The following ARF3 variants were observed in gnomAD, a reference collection of about 807,000 sequenced individuals.
ARF3 encodes the protein ADP-ribosylation factor 3.
Under a neutral mutation model 19.3 loss-of-function variants are expected in ARF3, and 5 were observed. The observed-to-expected ratio is 0.26, with a 90% CI of 0.14 to 0.54. ARF3 has a LOEUF of 0.54. Among genes scored for constraint, ARF3 ranks in the 20% least tolerant of loss-of-function variants. ARF3 has a pLI of 0.95. For missense variants in ARF3, 77 were observed against 234.2 expected, an observed-to-expected ratio of 0.33 and a Z score of 4.38; for synonymous variants, 71 against 89.2, an observed-to-expected ratio of 0.80 and a Z score of 1.15.
Position 48,949,718 on chromosome 12 carries a change from G to GT in ARF3, c.-94+7591dup, listed in dbSNP as rs1284303297. Among the ~76,000 whole-genome samples, 6 of 151,218 alleles carry GT rather than the reference G, an allele frequency of 4.0e-5. No individual in the cohort carries two copies. In the East Asian group the frequency reaches 7.8e-4, roughly 20 times the overall value. ...TCACCATGCCTGGCTAATTTTTAAAGTTTTTTTGTAGAGACAAGGTCTTGC... is the reference window on the plus strand; with the variant it reads ...TCACCATGCCTGGCTAATTTTTAAAGTTTTTTTTGTAGAGACAAGGTCTTGC... On this transcript the variant is annotated intron_variant, in intron 1 of 4. Coordinates refer to ENST00000256682, the MANE Select transcript of ARF3 (RefSeq NM_001659.3).
chr12:48,947,454 A>C (rs544646981), intron 1 of ARF3, among the ~76,000 whole-genome samples: 2 of 152,154 alleles, frequency 1.3e-5, no homozygotes, highest in South Asian at 2.1e-4. Context: ...CTACAGGCGC[A>C]TGCCACCACA....
intron 1 of ARF3, among the ~76,000 whole-genome samples, chr12:48,954,569 T>C (rs1169373626): frequency 6.6e-6 from 1 of 152,174 alleles, no homozygotes; most frequent in Non-Finnish European, 1.5e-5. Context: ...CATTACCTTC[T>C]TTACAGATGA....
Position 48,941,126 on chromosome 12 carries a change from G to A in ARF3, c.-31C>T. The A allele has an allele frequency of 6.3e-7, 1 of 1,597,814 alleles. No individual in the cohort carries two copies. Among genetic ancestry groups the A allele is most frequent in the African/African-American group, 1.3e-5 (1 of 74,470 alleles). On this transcript the variant is annotated 5_prime_UTR_variant, in exon 2 of 5. Coordinates refer to ENST00000256682, the MANE Select transcript of ARF3 (RefSeq NM_001659.3). ...CAGCAGCTGCTTTCTGGGGACAGTG[G>A]GGCCCAAGTAGGGGCAGTGGCAGTC...
intron 1 of ARF3, among the ~76,000 whole-genome samples, chr12:48,950,465 G>A (rs1940445553): frequency 6.6e-6 from 1 of 152,152 alleles, no homozygotes; most frequent in African/African-American, 2.4e-5. Context: ...GGGATTACAG[G>A]CATGAGCCAC....
chr12:48,940,707 C>A (rs755751283), intron 2 of ARF3, among the ~76,000 whole-genome samples: 14 of 152,230 alleles, frequency 9.2e-5, no homozygotes, highest in Non-Finnish European at 5.9e-5. Flanking sequence ...CAACTCCGTG[C>A]CTGAGGGCAG....
At chr12:48,948,982 G>T (rs1017998532) in intron 1 of ARF3, among the ~76,000 whole-genome samples, 5 of 152,132 alleles carry the variant, frequency 3.3e-5, no homozygotes, top group African/African-American at 1.2e-4. Context: ...CACTGCTTAG[G>T]AGGTATAGTA....
At chr12:48,948,884 T>G (rs1940411454) in intron 1 of ARF3, among the ~76,000 whole-genome samples, 1 of 152,108 alleles carries the variant, frequency 6.6e-6, no homozygotes, top group African/African-American at 2.4e-5. Flanking sequence ...CATGAAGGGC[T>G]TTAAAGGCCA....
rs948808478 is a variant in ARF3, at chr12:48,938,221, T to C, written c.*726A>G. 2 of 359,900 alleles carry C rather than the reference T, an allele frequency of 5.6e-6. No homozygotes were observed. The highest frequency in any genetic ancestry group is 3.5e-5 in the Admixed American group (1 of 28,760). The allele number at this position is 359,900 out of a possible 1,614,324, so 22.3% of individuals were successfully genotyped here. Reference sequence around the variant, plus strand: ...GGTGGAGAGAAGAGTACAAGGAAAATGGTGGTGAAGAATCCATCATCTGTC... The same window carrying C: ...GGTGGAGAGAAGAGTACAAGGAAAACGGTGGTGAAGAATCCATCATCTGTC... On this transcript the variant is annotated 3_prime_UTR_variant, in exon 5 of 5. Coordinates refer to ENST00000256682, the MANE Select transcript of ARF3 (RefSeq NM_001659.3).
rs773869776 is a variant in ARF3, at chr12:48,940,903, C to T, written c.148+45G>A. On this transcript the variant is annotated intron_variant, in intron 2 of 4. Coordinates refer to ENST00000256682, the MANE Select transcript of ARF3 (RefSeq NM_001659.3). Reference sequence around the variant, plus strand: ...GAACCAGGAATAGGTCCCTGCCCTGCCTCAGCTGCCGGCGTGAAAGCCCAC... The same window carrying T: ...GAACCAGGAATAGGTCCCTGCCCTGTCTCAGCTGCCGGCGTGAAAGCCCAC... The T allele has an allele frequency of 5.9e-6, 9 of 1,519,428 alleles. No homozygotes were observed. The East Asian group carries it at 1.2e-4, about 21-fold the overall frequency. The allele number at this position is 1,519,428 out of a possible 1,614,324, so 94.1% of individuals were successfully genotyped here.
At chr12:48,941,987 G>A (rs139714314) in intron 1 of ARF3, among the ~76,000 whole-genome samples, 1 of 152,276 alleles carries the variant, frequency 6.6e-6, no homozygotes, top group East Asian at 1.9e-4. Flanking sequence ...TTGGTTCTCT[G>A]CTTCTTCCCT....
intron 1 of ARF3, chr12:48,953,043 A>G (rs752640606): frequency 6.6e-6 from 1 of 152,190 alleles, no homozygotes; most frequent in Non-Finnish European, 1.5e-5. Flanking sequence ...CTAGACTGTG[A>G]GCTCTTTGCC....
At chr12:48,947,769 G>A (rs971698549) in intron 1 of ARF3, among the ~76,000 whole-genome samples, 1 of 152,158 alleles carries the variant, frequency 6.6e-6, no homozygotes, top group African/African-American at 2.4e-5. Context: ...TGAACAGAAA[G>A]CTGGAGCAGT....
At chr12:48,947,825 A>G (rs1350879958) in intron 1 of ARF3, among the ~76,000 whole-genome samples, 1 of 152,162 alleles carries the variant, frequency 6.6e-6, no homozygotes, top group Non-Finnish European at 1.5e-5. Context: ...CCTAATTCTC[A>G]GGTCATACCT....
intron 1 of ARF3, among the ~76,000 whole-genome samples, chr12:48,953,866 A>C (rs528185779): frequency 6.6e-6 from 1 of 152,370 alleles, no homozygotes; most frequent in South Asian, 2.1e-4. Context: ...TATATTTGCA[A>C]CAGATGTTCA....
intron 1 of ARF3, among the ~76,000 whole-genome samples, chr12:48,950,612 T>C (rs1940448814): frequency 6.6e-6 from 1 of 152,142 alleles, no homozygotes; most frequent in South Asian, 2.1e-4. Context: ...CAACTATTCA[T>C]CACCTCAACT....
chr12:48,938,070 T>C lies in ARF3; in HGVS notation c.*877A>G, dbSNP rs1213483826. On this transcript the variant is annotated 3_prime_UTR_variant, in exon 5 of 5. Coordinates refer to ENST00000256682, the MANE Select transcript of ARF3 (RefSeq NM_001659.3). ...TCTGAAGATGGTGGGGAAGGATCAG[T>C]TGAACACTCTAAGCTGATAAGAGTG... 5 of 216,758 alleles carry C rather than the reference T, an allele frequency of 2.3e-5. No individual in the cohort carries two copies. The South Asian group carries it at 3.4e-4, about 15-fold the overall frequency. 13.4% of individuals were successfully genotyped at this position (216,758 alleles called of 1,614,324 possible).
At chr12:48,948,346 A>G (rs2694839) in intron 1 of ARF3, among the ~76,000 whole-genome samples, 85,732 of 151,048 alleles carry the variant, frequency 0.57, 24,621 homozygotes, top group South Asian at 0.75. Context: ...CTGGGCTCAA[A>G]CAATCCTACT....
chr12:48,940,926 C>A, intron 2 of ARF3, 22 bp downstream of exon 2: 1 of 1,545,266 alleles, frequency 6.5e-7, no homozygotes, highest in Non-Finnish European at 8.8e-7. Context: ...CGTGAAAGCC[C>A]ACATCCAAGC....
rs1176262819 is a variant in ARF3, at chr12:48,936,631, G to T, written c.*2316C>A. 6.6e-6 allele frequency: 1 copy of T among 152,624 alleles called. No homozygotes were observed. The highest frequency in any genetic ancestry group is 6.5e-5 in the Admixed American group (1 of 15,282). 9.5% of individuals were successfully genotyped at this position (152,624 alleles called of 1,614,324 possible). A position where few individuals can be genotyped will look rare whatever the true frequency, so the allele number is the denominator to read the frequency against. ...CAACCTCCTAACATTTCCAGCCCCA[G>T]ATTGGTCCCTGGAGCCCCCAAAAAA... On this transcript the variant is annotated 3_prime_UTR_variant, in exon 5 of 5. Coordinates refer to ENST00000256682, the MANE Select transcript of ARF3 (RefSeq NM_001659.3).
Sources: gnomAD v4.1 joint callset for allele counts (sites outside exome capture counted in the v4.1 genomes callset) on GRCh38, gnomAD v4.1.1 for gene constraint, MANE v1.5 for transcripts, NCBI Gene and HGNC (gene_info 2026-07-23, HGNC 2026-07-21) for gene names.